AUTS2: variants seen among roughly 807,000 people sequenced by gnomAD.
AUTS2 encodes the protein autism susceptibility gene 2 protein.
Under a neutral mutation model 112.4 loss-of-function variants are expected in AUTS2, and 17 were observed. That is an observed-to-expected ratio of 0.15 (90% CI 0.10 to 0.23). The LOEUF (loss-of-function observed/expected upper bound fraction) is 0.23. Ranked by LOEUF, AUTS2 falls within the 10% of genes least tolerant of loss-of-function variation. AUTS2 has a pLI of 1.00. For missense variants in AUTS2, 1,510 were observed against 1,701.6 expected, an observed-to-expected ratio of 0.89 and a Z score of 1.98; for synonymous variants, 751 against 702.7, an observed-to-expected ratio of 1.07 and a Z score of -1.09.
intron 2 of AUTS2, among the ~76,000 whole-genome samples, chr7:69,923,102 C>T (rs1369956587): frequency 1.3e-5 from 2 of 152,052 alleles, no homozygotes. Flanking sequence ...TTTTCTTTTC[C>T]AAAAGGTATA....
At chr7:69,934,853 G>T (rs577576852) in intron 2 of AUTS2, among the ~76,000 whole-genome samples, 1 of 152,308 alleles carries the variant, frequency 6.6e-6, no homozygotes, top group East Asian at 1.9e-4. Flanking sequence ...GCCCAGCTGT[G>T]CTTGCCAGGG....
chr7:70,728,935 A>C (rs1213733273), intron 6 of AUTS2, among the ~76,000 whole-genome samples: 1 of 152,012 alleles, frequency 6.6e-6, no homozygotes, highest in Non-Finnish European at 1.5e-5. Context: ...GATTAGAAGA[A>C]ATGTCTCCTC....
At chr7:69,950,552 G>C (rs1219159234) in intron 2 of AUTS2, among the ~76,000 whole-genome samples, 2 of 152,026 alleles carry the variant, frequency 1.3e-5, no homozygotes, top group South Asian at 2.1e-4. Flanking sequence ...ATAATTATAG[G>C]TTGCTAATTT....
intron 1 of AUTS2, among the ~76,000 whole-genome samples, chr7:69,677,443 C>A (rs1015144932): frequency 6.6e-6 from 1 of 152,114 alleles, no homozygotes; most frequent in African/African-American, 2.4e-5. Context: ...TAACTGGAAA[C>A]CCCAGCATTA....
At position 69,886,436 on chromosome 7, in the gene AUTS2, T is replaced by C. The variant is rs571204134; in HGVS notation, c.310-12850T>C. Among the ~76,000 whole-genome samples, 31 of 152,296 alleles carry C rather than the reference T, an allele frequency of 2.0e-4. No individual in the cohort carries two copies. In the South Asian group the frequency reaches 6.0e-3, roughly 29 times the overall value. ...AGTCATAAAAGGACTGCCTCACATA[T>C]ATACACACACTTCCTGATATGCTGT... On this transcript the variant is annotated intron_variant, in intron 1 of 18. Transcript: ENST00000342771.
intron 4 of AUTS2, among the ~76,000 whole-genome samples, chr7:70,175,253 G>C (rs752725644): frequency 4.6e-5 from 7 of 152,188 alleles, no homozygotes; most frequent in Non-Finnish European, 1.0e-4. Context: ...TTGGGGCCTT[G>C]AAGGTGTTAC....
At chr7:69,913,530 C>T (rs1035365110) in intron 2 of AUTS2, among the ~76,000 whole-genome samples, 7 of 152,172 alleles carry the variant, frequency 4.6e-5, no homozygotes, top group African/African-American at 1.4e-4. Flanking sequence ...CTGTGTGACA[C>T]AGCAAGGGGC....
intron 5 of AUTS2, among the ~76,000 whole-genome samples, chr7:70,689,999 T>TGTC (rs1167003724): frequency 2.0e-5 from 3 of 152,182 alleles, no homozygotes; most frequent in Admixed American, 6.5e-5. Flanking sequence ...AAAAGAAGTG[T>TGTC]GTCATCTGTA....
At chr7:70,094,791 T>C (rs1804104199) in intron 2 of AUTS2, among the ~76,000 whole-genome samples, 1 of 152,156 alleles carries the variant, frequency 6.6e-6, no homozygotes, top group Non-Finnish European at 1.5e-5. Context: ...TGCTTTTTTT[T>C]CTCCGTGGAA....
chr7:70,071,450 G>A (rs2129562744), intron 2 of AUTS2, among the ~76,000 whole-genome samples: 1 of 152,292 alleles, frequency 6.6e-6, no homozygotes, highest in Non-Finnish European at 1.5e-5. Flanking sequence ...TGTTCACAGT[G>A]TTGACTGCTC....
At chr7:70,745,101 T>C (rs994599342) in intron 6 of AUTS2, among the ~76,000 whole-genome samples, 1 of 152,180 alleles carries the variant, frequency 6.6e-6, no homozygotes, top group Admixed American at 6.5e-5. Context: ...GTCCTTATTA[T>C]ACGTTTCTGT....
intron 8 of AUTS2, 42 bp downstream of exon 8, chr7:70,765,047 G>A (rs571670071): frequency 8.8e-5 from 142 of 1,606,830 alleles, no homozygotes; most frequent in South Asian, 1.8e-4. Context: ...GACCCCCACC[G>A]CCCCTCGCTG....
chr7:70,689,898 T>A (rs552037377), intron 5 of AUTS2, among the ~76,000 whole-genome samples: 1 of 152,140 alleles, frequency 6.6e-6, no homozygotes, highest in South Asian at 2.1e-4. Context: ...ATTGTGGTGA[T>A]CCCCACTGGG....
chr7:70,513,481 A>T (rs993513414), intron 5 of AUTS2, among the ~76,000 whole-genome samples: 2 of 152,222 alleles, frequency 1.3e-5, no homozygotes, highest in East Asian at 3.9e-4. Context: ...GAGTCTGCCC[A>T]GCCTGGAAGG....
At chr7:70,736,269 CA>C (rs796350772) in intron 6 of AUTS2, among the ~76,000 whole-genome samples, 56 of 142,022 alleles carry the variant, frequency 3.9e-4, no homozygotes, top group African/African-American at 5.2e-4. Context: ...ATATGTATTA[CA>C]AAAAAAAAAG....
chr7:70,725,895 G>A (rs977634839), intron 6 of AUTS2, among the ~76,000 whole-genome samples: 2 of 151,886 alleles, frequency 1.3e-5, no homozygotes, highest in African/African-American at 4.8e-5. Flanking sequence ...GGTGGTGGGC[G>A]CCTGTAGTCC....
intron 4 of AUTS2, among the ~76,000 whole-genome samples, chr7:70,177,846 T>C (rs1254848980): frequency 6.9e-6 from 1 of 145,274 alleles, no homozygotes; most frequent in Non-Finnish European, 1.5e-5. Context: ...AAATCATTGC[T>C]AATACACTGG....
chr7:70,630,055 T>C (rs1213117834), intron 5 of AUTS2, among the ~76,000 whole-genome samples: 2 of 152,154 alleles, frequency 1.3e-5, no homozygotes, highest in Non-Finnish European at 2.9e-5. Context: ...TCCAGGCATG[T>C]CTGAGCAGCT....
intron 6 of AUTS2, among the ~76,000 whole-genome samples, chr7:70,716,636 CAAAAAAAAAAAAAAAAA>C (rs34972760): frequency 4.6e-5 from 3 of 64,950 alleles, no homozygotes; most frequent in Non-Finnish European, 5.6e-5. Context: ...GACTCCGTCT[CAAAAAAAAAAAAAAAAA>C]AAAAAAAAAA....
Sources: gnomAD v4.1 joint callset for allele counts (sites outside exome capture counted in the v4.1 genomes callset) on GRCh38, gnomAD v4.1.1 for gene constraint, MANE v1.5 for transcripts, NCBI Gene and HGNC (gene_info 2026-07-23, HGNC 2026-07-21) for gene names.